AK5: variants seen among roughly 807,000 people sequenced by gnomAD.
AK5 encodes the protein adenylate kinase 5, also known as adenylate kinase isoenzyme 5.
AK5 carries 27 observed loss-of-function variants against 69.5 expected under a neutral mutation model. The ratio of observed to expected loss-of-function variants is 0.39; its 90% CI spans 0.29 to 0.54. The LOEUF is 0.54. Ranked by LOEUF, AK5 falls within the 20% of genes least tolerant of loss-of-function variation. The pLI, the probability that AK5 is intolerant of heterozygous loss-of-function variation, is 0.71. For synonymous variants in AK5, 260 were observed against 244.4 expected, an observed-to-expected ratio of 1.06 and a Z score of -0.60; for missense variants, 531 against 700.4, an observed-to-expected ratio of 0.76 and a Z score of 2.73.
intron 8 of AK5, among the ~76,000 whole-genome samples, chr1:77,423,239 A>AAAAG (rs1352691974): frequency 2.8e-4 from 42 of 148,358 alleles, no homozygotes; most frequent in Admixed American, 4.1e-4. Flanking sequence ...AATAAAAAAA[A>AAAAG]AAGAAGAACT....
intron 6 of AK5, among the ~76,000 whole-genome samples, chr1:77,363,494 A>G (rs1349108057): frequency 6.6e-6 from 1 of 152,190 alleles, no homozygotes; most frequent in Admixed American, 6.5e-5. Context: ...TCACTTTCCT[A>G]TTTGAACCCT....
chr1:77,501,279 C>T (rs1194497206), intron 10 of AK5, among the ~76,000 whole-genome samples: 7 of 152,230 alleles, frequency 4.6e-5, no homozygotes, highest in Non-Finnish European at 1.0e-4. Flanking sequence ...CAGTCCAGAG[C>T]TGGTGAGCAG....
intron 6 of AK5, among the ~76,000 whole-genome samples, chr1:77,372,639 T>A (rs1183203026): frequency 6.6e-6 from 1 of 152,204 alleles, no homozygotes; most frequent in Non-Finnish European, 1.5e-5. Flanking sequence ...TCACTTTGGA[T>A]ATATAAGGAC....
At chr1:77,544,297 A>G (rs1427266171) in intron 13 of AK5, among the ~76,000 whole-genome samples, 3 of 152,202 alleles carry the variant, frequency 2.0e-5, no homozygotes, top group Admixed American at 2.0e-4. Flanking sequence ...GTTACTGTAT[A>G]CTACTGTAGG....
intron 10 of AK5, among the ~76,000 whole-genome samples, chr1:77,505,782 G>C (rs1656992091): frequency 6.6e-6 from 1 of 151,786 alleles, no homozygotes; most frequent in Admixed American, 6.6e-5. Context: ...TGTAATCTCA[G>C]CTACTCAGGA....
chr1:77,392,581 G>C (rs1000964853), intron 6 of AK5, among the ~76,000 whole-genome samples: 34 of 152,266 alleles, frequency 2.2e-4, no homozygotes, highest in African/African-American at 7.5e-4. Flanking sequence ...TCTTCCGTGT[G>C]TGCCCAGGGA....
At chr1:77,351,394 C>CTAAA (rs553740044) in intron 6 of AK5, among the ~76,000 whole-genome samples, 7 of 152,032 alleles carry the variant, frequency 4.6e-5, no homozygotes, top group African/African-American at 2.4e-5. Context: ...GACCCTGTCT[C>CTAAA]TAAATAAATA....
At chr1:77,358,039 GAC>G (rs1553138088) in intron 6 of AK5, among the ~76,000 whole-genome samples, 7,819 of 150,972 alleles carry the variant, frequency 0.052, 282 homozygotes, top group Middle Eastern at 0.16. Context: ...GAGAGAGAGA[GAC>G]AGAGAGATCA....
intron 12 of AK5, among the ~76,000 whole-genome samples, chr1:77,531,902 C>T (rs933518582): frequency 1.3e-5 from 2 of 151,764 alleles, no homozygotes; most frequent in Non-Finnish European, 2.9e-5. Context: ...CCGAGCCCTG[C>T]CCCGCGGGGA....
intron 5 of AK5, among the ~76,000 whole-genome samples, chr1:77,301,305 T>C (rs1317181981): frequency 1.3e-5 from 2 of 152,154 alleles, no homozygotes; most frequent in Non-Finnish European, 2.9e-5. Flanking sequence ...CCAGCTGGAA[T>C]GGACGGGGAA....
intron 13 of AK5, among the ~76,000 whole-genome samples, chr1:77,537,532 C>T (rs1659037387): frequency 1.3e-5 from 2 of 152,108 alleles, no homozygotes; most frequent in East Asian, 1.9e-4. Flanking sequence ...GAACAGTATC[C>T]AGGAACAAAT....
chr1:77,391,495 G>GTGTATATATATATATATATATATATATA (rs1425180466), intron 6 of AK5, among the ~76,000 whole-genome samples: 20 of 63,330 alleles, frequency 3.2e-4, no homozygotes, highest in Middle Eastern at 6.0e-3. Flanking sequence ...GTGTGTGTGT[G>GTGTATATATATATATATATATATATATA]TATATATATA....
At chr1:77,356,044 A>C (rs561011556) in intron 6 of AK5, among the ~76,000 whole-genome samples, 7 of 152,168 alleles carry the variant, frequency 4.6e-5, no homozygotes, top group Non-Finnish European at 8.8e-5. Flanking sequence ...AACACCTTTC[A>C]AGATCTCTAG....
intron 8 of AK5, among the ~76,000 whole-genome samples, chr1:77,450,395 A>C (rs1192308019): frequency 6.6e-6 from 1 of 152,188 alleles, no homozygotes; most frequent in Non-Finnish European, 1.5e-5. Context: ...ACTGCTCATA[A>C]AGACAAACCC....
In AK5 at chr1:77,430,524, A is replaced by C. The variant is rs76340691; in HGVS notation, c.1059+12809A>C. 9.2e-3 allele frequency among the ~76,000 whole-genome samples: 1,397 copies of C among 152,324 alleles called. 27 individuals are homozygous for C. Among genetic ancestry groups the C allele is most frequent in the African/African-American group, 0.032 (1,317 of 41,558 alleles). On this transcript the variant is annotated intron_variant, in intron 8 of 13. Coordinates refer to ENST00000354567, the MANE Select transcript of AK5 (RefSeq NM_174858.3). ...GTCTGGTGTTCAGAGGAAATATCTG[A>C]GCTGGAAATACAAATTTGTGAGCCT...
chr1:77,368,254 ATATATATGTTATATATATGT>A (rs1647047689), intron 6 of AK5, among the ~76,000 whole-genome samples: 1 of 36,648 alleles, frequency 2.7e-5, no homozygotes, highest in Non-Finnish European at 7.8e-5. Context: ...TATATATATA[ATATATATGTTATATATATGT>A]TATATATGTT....
chr1:77,305,664 T>G (rs1396213963), intron 5 of AK5, among the ~76,000 whole-genome samples: 5 of 152,292 alleles, frequency 3.3e-5, no homozygotes, highest in South Asian at 4.1e-4. Flanking sequence ...ATGTGTGGAT[T>G]TATTTCTGGG....
intron 8 of AK5, among the ~76,000 whole-genome samples, chr1:77,466,834 T>C (rs1654172384): frequency 6.6e-6 from 1 of 152,214 alleles, no homozygotes; most frequent in African/African-American, 2.4e-5. Context: ...ATGGTTGCGC[T>C]GGGGATTAAG....
intron 6 of AK5, among the ~76,000 whole-genome samples, chr1:77,392,557 C>T (rs1050016199): frequency 1.6e-4 from 25 of 152,080 alleles, no homozygotes; most frequent in African/African-American, 5.8e-4. Context: ...AAAGAGAGAA[C>T]CTATATTGGT....
Sources: gnomAD v4.1 joint callset for allele counts (sites outside exome capture counted in the v4.1 genomes callset) on GRCh38, gnomAD v4.1.1 for gene constraint, MANE v1.5 for transcripts, NCBI Gene and HGNC (gene_info 2026-07-23, HGNC 2026-07-21) for gene names.